Variants in ANXA7 observed in about 807,000 individuals in gnomAD.
The protein encoded by ANXA7 is annexin A7.
Under a neutral mutation model 64.9 loss-of-function variants are expected in ANXA7, and 55 were observed. The ratio of observed to expected loss-of-function variants is 0.85; its 90% confidence interval spans 0.68 to 1.06. The LOEUF is 1.06. Ranked by LOEUF, ANXA7 falls within the 50% of genes least tolerant of loss-of-function variation. The probability of loss-of-function intolerance (pLI) is 0.00; values close to 1 mark genes in which losing one functional copy is unlikely to be tolerated. For synonymous variants in ANXA7, 200 were observed against 192.4 expected (o/e 1.04, Z -0.33); for missense variants, 548 against 582.1 (o/e 0.94, Z 0.60).
intron 5 of ANXA7, among the ~76,000 whole-genome samples, chr10:73,390,116 AGTTT>A (rs992744077): frequency 6.6e-5 from 10 of 152,236 alleles, no homozygotes; most frequent in African/African-American, 2.4e-4. Context: ...ACACACACAC[AGTTT>A]ATTTAATCCA....
Position 73,379,923 on chromosome 10 carries a change from C to G in ANXA7, c.1121G>C (p.Ser374Thr). The G allele has an allele frequency of 6.2e-7, 1 of 1,614,230 alleles. No individual in the cohort carries two copies. Among genetic ancestry groups the G allele is most frequent in the Non-Finnish European group, 8.5e-7 (1 of 1,180,042 alleles). Residue 374 changes from serine (S) to threonine (T), a missense_variant, in exon 11 of 13, where the codon AGC (serine) becomes ACC (threonine). Transcript: ENST00000372921. ...TTCTACATATCCGGAAAACTCACGG[C>G]TCACACTGCTTAACAAGTCTCGATT... Reference protein sequence around the residue: ...MANRDLLSSVSREFSGYVESG... With the variant: ...MANRDLLSSVTREFSGYVESG...
At chr10:73,406,918 G>A (rs948934414) in intron 1 of ANXA7, among the ~76,000 whole-genome samples, 3 of 151,906 alleles carry the variant, frequency 2.0e-5, no homozygotes, top group East Asian at 1.9e-4. Flanking sequence ...AACCCTCAAC[G>A]TGAAATCTCT....
intron 9 of ANXA7, among the ~76,000 whole-genome samples, chr10:73,382,487 A>C (rs1023041933): frequency 7.9e-5 from 12 of 152,058 alleles, no homozygotes; most frequent in African/African-American, 2.9e-4. Context: ...CACTACAGGC[A>C]CATACCACCA....
intron 5 of ANXA7, among the ~76,000 whole-genome samples, chr10:73,392,865 G>A (rs1267282569): frequency 6.6e-6 from 1 of 152,142 alleles, no homozygotes; most frequent in African/African-American, 2.4e-5. Flanking sequence ...AATCAGGCAG[G>A]AGAAAGAAAT....
chr10:73,387,408 A>T (rs746131659), intron 7 of ANXA7, among the ~76,000 whole-genome samples: 10 of 152,112 alleles, frequency 6.6e-5, no homozygotes, highest in Admixed American at 6.6e-4. Flanking sequence ...CCAGCTACTC[A>T]GGAGGCTGAG....
intron 1 of ANXA7, among the ~76,000 whole-genome samples, chr10:73,401,398 A>G (rs2132690619): frequency 6.6e-6 from 1 of 152,318 alleles, no homozygotes; most frequent in South Asian, 2.1e-4. Flanking sequence ...ATTCACACCA[A>G]TGGAGTCAGT....
chr10:73,392,840 A>G (rs990549400), intron 5 of ANXA7, among the ~76,000 whole-genome samples: 1 of 152,196 alleles, frequency 6.6e-6, no homozygotes, highest in Non-Finnish European at 1.5e-5. Flanking sequence ...TAGTGTTGGA[A>G]GTTCTGGCCA....
At chr10:73,395,971 G>A (rs2055564184) in intron 5 of ANXA7, 1 of 932,246 alleles carries the variant, frequency 1.1e-6, no homozygotes, top group Non-Finnish European at 1.8e-6. Context: ...TGAGAGACAA[G>A]TACATGAGAA....
At chr10:73,388,283 T>C (rs1564525191) in intron 6 of ANXA7, 29 bp downstream of exon 6, 4 of 1,553,086 alleles carry the variant, frequency 2.6e-6, no homozygotes, top group South Asian at 1.1e-5. Flanking sequence ...TTTAACTTAT[T>C]AAAAAAGACA....
At chr10:73,385,270 T>C (rs1479605010) in intron 7 of ANXA7, among the ~76,000 whole-genome samples, 1 of 152,200 alleles carries the variant, frequency 6.6e-6, no homozygotes, top group Non-Finnish European at 1.5e-5. Flanking sequence ...AAACTTTTCA[T>C]GCAAGAAAAT....
At chr10:73,401,774 T>A (rs2055670632) in intron 1 of ANXA7, among the ~76,000 whole-genome samples, 1 of 151,900 alleles carries the variant, frequency 6.6e-6, no homozygotes, top group Non-Finnish European at 1.5e-5. Context: ...AGTGCTGGGA[T>A]TACAGGCGTA....
At chr10:73,377,904 C>CTT (rs1304811684) in intron 12 of ANXA7, among the ~76,000 whole-genome samples, 12 of 119,328 alleles carry the variant, frequency 1.0e-4, no homozygotes, top group African/African-American at 3.7e-4. Flanking sequence ...CACGCCCCGG[C>CTT]GTGTGTGTGT....
At chr10:73,382,380 T>C (rs1307970893) in intron 9 of ANXA7, among the ~76,000 whole-genome samples, 3 of 152,278 alleles carry the variant, frequency 2.0e-5, no homozygotes, top group African/African-American at 4.8e-5. Flanking sequence ...TCTCACTCTA[T>C]TGCCCAGGCT....
At chr10:73,399,091 T>A (rs547098494) in intron 2 of ANXA7, among the ~76,000 whole-genome samples, 1 of 152,268 alleles carries the variant, frequency 6.6e-6, no homozygotes, top group Admixed American at 6.5e-5. Context: ...CTCTCTCTCT[T>A]CCTTCATCTG....
chr10:73,387,821 C>A, intron 6 of ANXA7, 38 bp from the exon 7 acceptor site: 68 of 1,079,700 alleles, frequency 6.3e-5, no homozygotes, highest in Non-Finnish European at 9.5e-5. Flanking sequence ...GGACAAAGTA[C>A]ATGCTAGGTG....
At chr10:73,388,266 T>C in intron 6 of ANXA7, 46 bp downstream of exon 6, 2 of 1,391,388 alleles carry the variant, frequency 1.4e-6, no homozygotes, top group Non-Finnish European at 2.0e-6. Flanking sequence ...ACTTTAGAAC[T>C]GATTACTTTA....
At position 73,375,203 on chromosome 10, in the gene ANXA7, G is replaced by A. The variant is rs1242285617; in HGVS notation, c.*892C>T. The A allele has an allele frequency of 6.6e-6, 1 of 152,002 alleles. No individual in the cohort carries two copies. Among genetic ancestry groups the A allele is most frequent in the African/African-American group, 2.4e-5 (1 of 41,356 alleles). 9.4% of individuals were successfully genotyped at this position (152,002 alleles called of 1,614,324 possible). A position where few individuals can be genotyped will look rare whatever the true frequency, so the allele number is the denominator to read the frequency against. ...GAAAATGGGGAGATGTTGGTCAAAG[G>A]GTATAAACTTTCAGTTATAAAACGA... On this transcript the variant is annotated 3_prime_UTR_variant, in exon 13 of 13. Transcript: ENST00000372921.
chr10:73,388,555 C>G, intron 5 of ANXA7, 141 bp from the exon 6 acceptor site: 1 of 620,924 alleles, frequency 1.6e-6, no homozygotes. Flanking sequence ...CATTTTATTA[C>G]CAGAGCTCAT....
intron 1 of ANXA7, among the ~76,000 whole-genome samples, chr10:73,403,768 A>G (rs1460768320): frequency 6.6e-6 from 1 of 152,248 alleles, no homozygotes; most frequent in Non-Finnish European, 1.5e-5. Context: ...TTTCACCAGC[A>G]CTGCCAACAG....
Sources: gnomAD v4.1 joint callset for allele counts (sites outside exome capture counted in the v4.1 genomes callset) on GRCh38, gnomAD v4.1.1 for gene constraint, MANE v1.5 for transcripts, NCBI Gene and HGNC (gene_info 2026-07-23, HGNC 2026-07-21) for gene names.